The following DLC1 variants were observed in gnomAD, a reference collection of about 807,000 sequenced individuals.
DLC1 encodes DLC1 Rho GTPase activating protein.
Under a neutral mutation model 140.3 loss-of-function variants are expected in DLC1, and 54 were observed. That is an observed-to-expected ratio of 0.38 (90% CI 0.31 to 0.48). DLC1 has a LOEUF of 0.48. Ranked by LOEUF, DLC1 falls within the 20% of genes least tolerant of loss-of-function variation. DLC1 has a pLI of 0.96. For synonymous variants in DLC1, 986 were observed against 728.1 expected (o/e 1.35, Z -5.70); for missense variants, 2,536 against 1,907.0 (o/e 1.33, Z -6.14).
At chr8:13,410,663 C>G (rs969106166) in intron 2 of DLC1, among the ~76,000 whole-genome samples, 1 of 145,056 alleles carries the variant, frequency 6.9e-6, no homozygotes, top group Non-Finnish European at 1.5e-5. Context: ...AAAAAAAAAA[C>G]AAAAATGTCA....
At chr8:13,161,075 C>T (rs1049833539) in intron 5 of DLC1, among the ~76,000 whole-genome samples, 3 of 152,110 alleles carry the variant, frequency 2.0e-5, no homozygotes, top group African/African-American at 7.2e-5. Context: ...AGCGAGACTC[C>T]GTCTCAAAAA....
At chr8:13,405,517 A>G (rs1425893029) in intron 2 of DLC1, among the ~76,000 whole-genome samples, 3 of 152,102 alleles carry the variant, frequency 2.0e-5, no homozygotes, top group Non-Finnish European at 4.4e-5. Flanking sequence ...AGAAAACTGA[A>G]CTCCAGGGAG....
chr8:13,276,626 C>A (rs1416583285), intron 5 of DLC1: 1 of 1,210,486 alleles, frequency 8.3e-7, no homozygotes, highest in Non-Finnish European at 1.0e-6. Flanking sequence ...GCGACACCCT[C>A]GCGGGGCGCG....
chr8:13,352,966 A>G (rs1331507600), intron 4 of DLC1, among the ~76,000 whole-genome samples: 2 of 152,184 alleles, frequency 1.3e-5, no homozygotes, highest in African/African-American at 4.8e-5. Context: ...CATCTTAGTA[A>G]AACACTAACA....
intron 1 of DLC1, among the ~76,000 whole-genome samples, chr8:13,526,188 A>G (rs1374427365): frequency 6.6e-6 from 1 of 152,192 alleles, no homozygotes; most frequent in Non-Finnish European, 1.5e-5. Context: ...TCTATCGCAT[A>G]CAATACCACA....
chr8:13,386,237 ATCTAT>A (rs1213065411), intron 4 of DLC1, among the ~76,000 whole-genome samples: 2 of 152,150 alleles, frequency 1.3e-5, no homozygotes, highest in Admixed American at 6.5e-5. Flanking sequence ...TATGCTATTA[ATCTAT>A]TCAATTCTAA....
chr8:13,269,840 G>A lies in DLC1; in HGVS notation c.1348+35429C>T, dbSNP rs78324140. The stretch of plus-strand genomic sequence containing the variant: ...TGGGAGGCTGAAGCAGGCGGATCAC[G>A]AGGTCGGGAGATCAAGACCATCCTG... On this transcript the variant is annotated intron_variant, in intron 5 of 17. Coordinates refer to ENST00000276297, the MANE Select transcript of DLC1 (RefSeq NM_182643.3). Among the ~76,000 whole-genome samples, 206 of 151,278 alleles carry A rather than the reference G, an allele frequency of 1.4e-3. 2 individuals are homozygous for A. In the East Asian group the frequency reaches 0.027, roughly 20 times the overall value.
At chr8:13,226,292 G>T (rs1828793526) in intron 5 of DLC1, among the ~76,000 whole-genome samples, 1 of 152,120 alleles carries the variant, frequency 6.6e-6, no homozygotes, top group Non-Finnish European at 1.5e-5. Flanking sequence ...TAGAAAATTA[G>T]AAATACTTTC....
At chr8:13,364,499 G>A (rs1210611246) in intron 4 of DLC1, among the ~76,000 whole-genome samples, 5 of 151,980 alleles carry the variant, frequency 3.3e-5, no homozygotes, top group African/African-American at 1.2e-4. Context: ...ATTTCTCCAT[G>A]TTGCTCAGGC....
chr8:13,116,180 C>T (rs1406338040), intron 5 of DLC1: 3 of 985,756 alleles, frequency 3.0e-6, no homozygotes, highest in Non-Finnish European at 2.4e-6. Context: ...ATCAGGTACT[C>T]ATCAGGTATT....
chr8:13,595,184 C>T (rs569841950), intron 1 of DLC1, among the ~76,000 whole-genome samples: 1 of 152,064 alleles, frequency 6.6e-6, no homozygotes, highest in African/African-American at 2.4e-5. Context: ...ACCAATGGCC[C>T]TCACTCCTAT....
chr8:13,492,490 TAC>T (rs1801301901), intron 2 of DLC1, among the ~76,000 whole-genome samples: 1 of 151,266 alleles, frequency 6.6e-6, no homozygotes, highest in South Asian at 2.1e-4. Flanking sequence ...TTCTATCACT[TAC>T]TCTCTCTGTC....
chr8:13,513,802 A>G (rs1802479244), intron 1 of DLC1, among the ~76,000 whole-genome samples: 1 of 152,172 alleles, frequency 6.6e-6, no homozygotes, highest in Admixed American at 6.5e-5. Flanking sequence ...TAAGGACACA[A>G]ACAGTTTCCA....
chr8:13,375,247 T>C (rs1432628075), intron 4 of DLC1, among the ~76,000 whole-genome samples: 3 of 152,144 alleles, frequency 2.0e-5, no homozygotes, highest in Non-Finnish European at 4.4e-5. Context: ...CAGGATGGTC[T>C]CGATCTCCTG....
chr8:13,548,490 C>G (rs191979602), intron 1 of DLC1, among the ~76,000 whole-genome samples: 1 of 151,892 alleles, frequency 6.6e-6, no homozygotes, highest in Non-Finnish European at 1.5e-5. Context: ...TGATAAATAA[C>G]AATAATAATT....
At position 13,185,122 on chromosome 8, in the gene DLC1, C is replaced by CTTTTTTTTT. The variant is rs1193667992; in HGVS notation, c.1349-69474_1349-69466dup. Among the ~76,000 whole-genome samples, 12 of 84,560 alleles carry CTTTTTTTTT rather than the reference C, an allele frequency of 1.4e-4. 1 individual carries two copies. Among genetic ancestry groups the CTTTTTTTTT allele is most frequent in the African/African-American group, 4.2e-4 (8 of 19,224 alleles). The allele number at this position is 84,560 out of a possible 152,430, so 55.5% of individuals were successfully genotyped here. A position where few individuals can be genotyped will look rare whatever the true frequency, so the allele number is the denominator to read the frequency against. ...TCAGAGACTAGGATTGCAACCCCTG[C>CTTTTTTTTT]TTTTTTTTTTTTTTTTTTTTGCTTT... On this transcript the variant is annotated intron_variant, in intron 5 of 17. Coordinates refer to ENST00000276297, the MANE Select transcript of DLC1 (RefSeq NM_182643.3).
intron 4 of DLC1, chr8:13,340,531 T>C (rs17091779): frequency 0.34 from 51,578 of 152,108 alleles, 9,753 homozygotes; most frequent in East Asian, 0.46. Flanking sequence ...CTGACTTTTC[T>C]CTTGCATATG....
chr8:13,376,247 A>T (rs947804871), intron 4 of DLC1, among the ~76,000 whole-genome samples: 4 of 152,180 alleles, frequency 2.6e-5, no homozygotes, highest in African/African-American at 4.8e-5. Context: ...CCATACAGCA[A>T]TGCATGCAGT....
chr8:13,599,969 C>T (rs1158599202), intron 1 of DLC1, among the ~76,000 whole-genome samples: 2 of 152,046 alleles, frequency 1.3e-5, no homozygotes, highest in Non-Finnish European at 2.9e-5. Context: ...AGCATCTTCA[C>T]CACCTTCACC....
Sources: gnomAD v4.1 joint callset for allele counts (sites outside exome capture counted in the v4.1 genomes callset) on GRCh38, gnomAD v4.1.1 for gene constraint, MANE v1.5 for transcripts, NCBI Gene and HGNC (gene_info 2026-07-23, HGNC 2026-07-21) for gene names.